RORA: variants seen among roughly 807,000 people sequenced by gnomAD.
The protein encoded by RORA is nuclear receptor ROR-alpha.
In RORA, 7 loss-of-function variants were observed where a neutral mutation model predicts 69.5. The ratio of observed to expected loss-of-function variants is 0.10; its 90% confidence interval spans 0.06 to 0.19. The LOEUF (loss-of-function observed/expected upper bound fraction) is 0.19. RORA is among the 10% of genes least tolerant of loss of function. The probability of loss-of-function intolerance (pLI) is 1.00; values close to 1 mark genes in which losing one functional copy is unlikely to be tolerated. For synonymous variants in RORA, 261 were observed against 240.8 expected (o/e 1.08, Z -0.78); for missense variants, 457 against 663.0 (o/e 0.69, Z 3.41).
intron 1 of RORA, among the ~76,000 whole-genome samples, chr15:60,724,549 G>C (rs1441149224): frequency 6.6e-6 from 1 of 152,178 alleles, no homozygotes. Flanking sequence ...CTCGGACTCA[G>C]TAGCTTTCCC....
Position 61,119,557 on chromosome 15 carries a change from T to C in RORA, c.166+109496A>G, listed in dbSNP as rs73430889. ...CACCTGTACTCAAGCCACCTGCCTGTCATGGCCCCCCAAAATGCTGGGATT... is the reference window on the plus strand; with the variant it reads ...CACCTGTACTCAAGCCACCTGCCTGCCATGGCCCCCCAAAATGCTGGGATT... On this transcript the variant is annotated intron_variant, in intron 1 of 10. Coordinates refer to ENST00000335670, the MANE Select transcript of RORA (RefSeq NM_134261.3). 2.7e-3 allele frequency among the ~76,000 whole-genome samples: 416 copies of C among 152,020 alleles called. 2 individuals are homozygous for C. The highest frequency in any genetic ancestry group is 9.2e-3 in the African/African-American group (383 of 41,420).
chr15:60,728,743 A>G (rs2071394580), intron 1 of RORA, among the ~76,000 whole-genome samples: 1 of 152,202 alleles, frequency 6.6e-6, no homozygotes. Flanking sequence ...TCATTTCTCA[A>G]CACCTAAAGG....
At chr15:60,513,534 T>C (rs2065771061) in intron 4 of RORA, among the ~76,000 whole-genome samples, 1 of 152,256 alleles carries the variant, frequency 6.6e-6, no homozygotes, top group African/African-American at 2.4e-5. Flanking sequence ...ACTTGTGATT[T>C]AAACTTACAA....
chr15:61,133,925 C>T (rs2079214294), intron 1 of RORA, among the ~76,000 whole-genome samples: 2 of 152,214 alleles, frequency 1.3e-5, no homozygotes, highest in South Asian at 4.1e-4. Context: ...GGCAAAGGCT[C>T]ATGAACATCT....
At chr15:61,165,577 G>A (rs561080770) in intron 1 of RORA, among the ~76,000 whole-genome samples, 1 of 152,158 alleles carries the variant, frequency 6.6e-6, no homozygotes, top group African/African-American at 2.4e-5. Flanking sequence ...TAGATCAAAG[G>A]CTTGATTAGA....
intron 1 of RORA, among the ~76,000 whole-genome samples, chr15:61,058,561 A>C (rs538789351): frequency 6.6e-6 from 1 of 152,152 alleles, no homozygotes; most frequent in African/African-American, 2.4e-5. Context: ...GAACGTCAGG[A>C]AAGTTACAGA....
chr15:60,745,613 G>A, intron 1 of RORA, among the ~76,000 whole-genome samples: 1 of 152,312 alleles, frequency 6.6e-6, no homozygotes, highest in Admixed American at 6.5e-5. Context: ...TAAGACACAG[G>A]CAACTCATTT....
chr15:61,095,699 T>C (rs2078779081), intron 1 of RORA, among the ~76,000 whole-genome samples: 1 of 152,206 alleles, frequency 6.6e-6, no homozygotes. Context: ...CAGAATCCTA[T>C]AGGCAAATCA....
intron 1 of RORA, among the ~76,000 whole-genome samples, chr15:60,796,190 A>G (rs776315533): frequency 1.3e-5 from 2 of 152,144 alleles, no homozygotes; most frequent in Non-Finnish European, 2.9e-5. Context: ...GCCTCTCTGT[A>G]TCACAGTGAG....
chr15:61,221,767 C>T (rs1179678085), intron 1 of RORA, among the ~76,000 whole-genome samples: 3 of 152,072 alleles, frequency 2.0e-5, no homozygotes, highest in African/African-American at 4.8e-5. Flanking sequence ...GGATCCTATA[C>T]TAAGTGGCAC....
At chr15:60,691,437 A>G (rs930780873) in intron 1 of RORA, among the ~76,000 whole-genome samples, 7 of 152,212 alleles carry the variant, frequency 4.6e-5, no homozygotes, top group Admixed American at 4.6e-4. Flanking sequence ...CTCACAAAAA[A>G]TTGTTAACTG....
chr15:60,868,730 A>G (rs1372208277), intron 1 of RORA, among the ~76,000 whole-genome samples: 1 of 152,208 alleles, frequency 6.6e-6, no homozygotes, highest in Non-Finnish European at 1.5e-5. Flanking sequence ...ATGTCATTTT[A>G]TTAGAAGTTC....
At chr15:60,589,850 A>G (rs2068446567) in intron 2 of RORA, among the ~76,000 whole-genome samples, 1 of 152,188 alleles carries the variant, frequency 6.6e-6, no homozygotes, top group Non-Finnish European at 1.5e-5. Context: ...GTCCACATGC[A>G]TCCACATACC....
intron 2 of RORA, among the ~76,000 whole-genome samples, chr15:60,591,431 A>C (rs2068506103): frequency 6.6e-6 from 1 of 152,150 alleles, no homozygotes; most frequent in Non-Finnish European, 1.5e-5. Flanking sequence ...TTCCCATCAG[A>C]AAGTTCCCTG....
At chr15:60,499,527 G>C (rs2065266022) in intron 10 of RORA, among the ~76,000 whole-genome samples, 2 of 152,188 alleles carry the variant, frequency 1.3e-5, no homozygotes, top group African/African-American at 4.8e-5. Context: ...GACGGAGTGA[G>C]ACCCTGTCTC....
rs796526731 is a variant in RORA at position 60,595,518 on chromosome 15, GA to G, written c.197-63668del. Among the ~76,000 whole-genome samples the G allele has an allele frequency of 6.3e-3, 879 of 139,052 alleles. 13 individuals carry two copies. The highest frequency in any genetic ancestry group is 0.011 in the South Asian group (50 of 4,416). 91.2% of individuals were successfully genotyped at this position (139,052 alleles called of 152,430 possible). A position where few individuals can be genotyped will look rare whatever the true frequency, so the allele number is the denominator to read the frequency against. ...CGACAGAGCAATAATCTGTCTCAAG[GA>G]AAAAAAAAAATACAATCAAGTAGAA... On this transcript the variant is annotated intron_variant, in intron 2 of 10. Transcript: ENST00000335670.
chr15:61,150,263 T>C (rs2079386507), intron 1 of RORA, among the ~76,000 whole-genome samples: 1 of 152,236 alleles, frequency 6.6e-6, no homozygotes, highest in Non-Finnish European at 1.5e-5. Flanking sequence ...AAGCATTTAT[T>C]GGCCTCCTTC....
In RORA at chr15:61,044,639, G is replaced by T. The variant is rs555816906; in HGVS notation, c.166+184414C>A. ...TTCTTTTCAATTCTTAAAAAACATGGTCACACAAATATTTAACACTGTGTC... is the reference window on the plus strand; with the variant it reads ...TTCTTTTCAATTCTTAAAAAACATGTTCACACAAATATTTAACACTGTGTC... On this transcript the variant is annotated intron_variant, in intron 1 of 10. Coordinates refer to ENST00000335670, the MANE Select transcript of RORA (RefSeq NM_134261.3). Among the ~76,000 whole-genome samples the T allele has an allele frequency of 6.6e-5, 10 of 152,024 alleles. 1 individual carries two copies. The South Asian group carries it at 1.7e-3, about 25-fold the overall frequency.
intron 1 of RORA, among the ~76,000 whole-genome samples, chr15:61,202,644 A>C (rs746262180): frequency 1.9e-4 from 29 of 152,162 alleles, no homozygotes; most frequent in Non-Finnish European, 3.5e-4. Flanking sequence ...TAGAATTCAG[A>C]TGCCTATTTT....
Sources: gnomAD v4.1 joint callset for allele counts (sites outside exome capture counted in the v4.1 genomes callset) on GRCh38, gnomAD v4.1.1 for gene constraint, MANE v1.5 for transcripts, NCBI Gene and HGNC (gene_info 2026-07-23, HGNC 2026-07-21) for gene names.